ATM: variants seen among roughly 807,000 people sequenced by gnomAD.
ATM encodes the protein ATM serine/threonine kinase.
A neutral mutation model predicts 387.0 loss-of-function variants in ATM; 308 were observed. The observed-to-expected ratio is 0.80, with a 90% CI of 0.73 to 0.87. ATM has a LOEUF of 0.87. Ranked by LOEUF, ATM falls within the 40% of genes least tolerant of loss-of-function variation. The pLI is 0.00. For missense variants in ATM, 3,312 were observed against 3,560.9 expected (o/e 0.93, Z 1.78); for synonymous variants, 1,156 against 1,187.3 (o/e 0.97, Z 0.54).
At chr11:108,343,709 G>A (rs1388104312) in intron 57 of ATM, among the ~76,000 whole-genome samples, 3 of 152,170 alleles carry the variant, frequency 2.0e-5, no homozygotes. Flanking sequence ...CTACTTGAGA[G>A]GCTGAGTCTG....
chr11:108,238,437 C>T (rs1047709358), intron 5 of ATM, among the ~76,000 whole-genome samples: 3 of 152,092 alleles, frequency 2.0e-5, no homozygotes, highest in Non-Finnish European at 4.4e-5. Context: ...TAGGCATGAG[C>T]CAACATGCCC....
intron 33 of ATM, among the ~76,000 whole-genome samples, chr11:108,297,985 C>T (rs2083215555): frequency 6.6e-6 from 1 of 152,130 alleles, no homozygotes; most frequent in African/African-American, 2.4e-5. Context: ...TTTATAAATA[C>T]ATTATAACTG....
intron 42 of ATM, 133 bp from the exon 43 acceptor site, chr11:108,317,240 A>G: frequency 1.1e-6 from 1 of 884,238 alleles, no homozygotes; most frequent in Non-Finnish European, 1.7e-6. Context: ...CACCCAGCTG[A>G]TATTTTGGGA....
Position 108,315,858 on chromosome 11 carries a change from G to A in ATM, c.6042G>A (p.Glu2014=), listed in dbSNP as rs138987778. The change falls in exon 41 of 63, where the codon GAG becomes GAA. Residue 2014 remains glutamate, a synonymous_variant. Coordinates refer to ENST00000675843, the MANE Select transcript of ATM (RefSeq NM_000051.4). ...LLLEIYRSIG[E]PDSLYGCGGG... Reference sequence around the variant, plus strand: ...TAGAAATCTACAGAAGTATAGGGGAGCCAGATAGTTTGTATGGCTGTGGTG... The same window carrying A: ...TAGAAATCTACAGAAGTATAGGGGAACCAGATAGTTTGTATGGCTGTGGTG... 4.3e-6 allele frequency: 7 copies of A among 1,613,338 alleles called. No homozygotes were observed. In the African/African-American group the frequency reaches 9.3e-5, roughly 22 times the overall value.
chr11:108,311,223 C>T (rs2084129644), intron 39 of ATM, among the ~76,000 whole-genome samples: 1 of 152,150 alleles, frequency 6.6e-6, no homozygotes, highest in South Asian at 2.1e-4. Flanking sequence ...AGTCCTCCCA[C>T]CTCAGCCTTT....
At position 108,289,908 on chromosome 11, in the gene ATM, C is replaced by T. The variant is rs536438623; in HGVS notation, c.4436+107C>T. 49 of 1,119,260 alleles carry T rather than the reference C, an allele frequency of 4.4e-5. No individual in the cohort carries two copies. The African/African-American group carries it at 7.2e-4, about 16-fold the overall frequency. The allele number at this position is 1,119,260 out of a possible 1,614,324, so 69.3% of individuals were successfully genotyped here. A position where few individuals can be genotyped will look rare whatever the true frequency, so the allele number is the denominator to read the frequency against. ...TGAGACAAAGACTCACTCTGTCCGCCCAGGCTGGGTGCAGTCACGGCTCAC... is the reference window on the plus strand; with the variant it reads ...TGAGACAAAGACTCACTCTGTCCGCTCAGGCTGGGTGCAGTCACGGCTCAC... On this transcript the variant is annotated intron_variant, in intron 29 of 62. Coordinates refer to ENST00000675843, the MANE Select transcript of ATM (RefSeq NM_000051.4).
At chr11:108,255,626 A>G (rs117813661) in intron 13 of ATM, among the ~76,000 whole-genome samples, 16,155 of 152,016 alleles carry the variant, frequency 0.11, 1,203 homozygotes, top group Non-Finnish European at 0.14. Context: ...AGGTTTCACC[A>G]CGTTAGCCAG....
intron 11 of ATM, 28 bp downstream of exon 11, chr11:108,252,059 G>GTT (rs749339972): frequency 1.3e-6 from 2 of 1,592,646 alleles, no homozygotes; most frequent in Admixed American, 3.3e-5. Flanking sequence ...GCATGCTGCT[G>GTT]TTTTTTTTGT....
chr11:108,276,462 G>C (rs957507559), intron 22 of ATM, among the ~76,000 whole-genome samples: 1 of 152,212 alleles, frequency 6.6e-6, no homozygotes, highest in Admixed American at 6.5e-5. Flanking sequence ...GGAATTTTCA[G>C]CCCTTTTGCG....
rs1060501618 is a variant in ATM, at chr11:108,249,030, A to G, written c.1163A>G (p.Lys388Arg). The change falls in exon 9 of 63, where the codon AAA becomes AGA. Residue 388 changes from lysine to arginine, a missense_variant. Around this residue, in one of 4 missense-constraint regions of ATM, gnomAD observed 1,791 missense variants for 1,804.5 expected, o/e 0.99. Transcript: ENST00000675843. ...SDYSVPCKRK[K>R]IELGWEVIKD... Reference sequence around the variant, plus strand: ...TACAGTGTCCCTTGCAAAAGGAAGAAAATAGAACTAGGCTGGGAAGTAATA... The same window carrying G: ...TACAGTGTCCCTTGCAAAAGGAAGAGAATAGAACTAGGCTGGGAAGTAATA... 1 of 1,614,126 alleles carries G rather than the reference A, an allele frequency of 6.2e-7. No individual in the cohort carries two copies. The highest frequency in any genetic ancestry group is 8.5e-7 in the Non-Finnish European group (1 of 1,179,988).
rs1057521739 is a variant in ATM at position 108,267,360 on chromosome 11, A to G, written c.2638+18A>G. ...TACCATAGGTAAATACATATTTACT[A>G]CTTGGGATTTCTTTTACTTCTTTAT... On this transcript the variant is annotated intron_variant, in intron 17 of 62. Transcript: ENST00000675843. 6.2e-7 allele frequency: 1 copy of G among 1,611,662 alleles called. No individual in the cohort carries two copies. Among genetic ancestry groups the G allele is most frequent in the Non-Finnish European group, 8.5e-7 (1 of 1,177,880 alleles).
chr11:108,273,408 C>T (rs1287082707), intron 22 of ATM, among the ~76,000 whole-genome samples: 1 of 125,094 alleles, frequency 8.0e-6, no homozygotes, highest in Non-Finnish European at 1.6e-5. Context: ...ATGGTGTGAT[C>T]TCGGTTCACT....
chr11:108,344,851 AAGTC>A (rs957798187), intron 57 of ATM, among the ~76,000 whole-genome samples: 32 of 151,928 alleles, frequency 2.1e-4, no homozygotes, highest in African/African-American at 7.5e-4. Flanking sequence ...AAAAAATAAA[AAGTC>A]AGCCAGGTAA....
intron 6 of ATM, among the ~76,000 whole-genome samples, chr11:108,244,501 A>G (rs927714534): frequency 2.0e-5 from 3 of 152,216 alleles, no homozygotes; most frequent in African/African-American, 7.2e-5. Context: ...AATGTGAAAC[A>G]TTTTATAAAT....
Position 108,235,870 on chromosome 11 carries a change from T to C in ATM, c.496+36T>C, listed in dbSNP as rs544839979. On this transcript the variant is annotated intron_variant, in intron 5 of 62. Transcript: ENST00000675843. ...AAGGTTGTTGTTTGTGAATTTTTCCTCATGAAATGAAACTTCACCAAAGAA... is the reference window on the plus strand; with the variant it reads ...AAGGTTGTTGTTTGTGAATTTTTCCCCATGAAATGAAACTTCACCAAAGAA... The C allele has an allele frequency of 6.2e-5, 100 of 1,611,238 alleles. No individual in the cohort carries two copies. Among genetic ancestry groups the C allele is most frequent in the Non-Finnish European group, 5.7e-5 (67 of 1,177,628 alleles).
intron 5 of ATM, among the ~76,000 whole-genome samples, chr11:108,241,784 C>A (rs2135196679): frequency 8.4e-6 from 1 of 118,584 alleles, no homozygotes. Context: ...GGGCCTCACT[C>A]TGTCACCCAG....
chr11:108,325,266 T>TAA, intron 45 of ATM, 44 bp from the exon 46 acceptor site: 4 of 1,105,260 alleles, frequency 3.6e-6, no homozygotes, highest in Non-Finnish European at 3.9e-6. Flanking sequence ...TTTTTTTTTT[T>TAA]TTCATTTCTC....
intron 43 of ATM, among the ~76,000 whole-genome samples, chr11:108,319,586 CTTAT>C (rs1308389753): frequency 6.6e-6 from 1 of 152,184 alleles, no homozygotes; most frequent in Admixed American, 6.5e-5. Context: ...CTTTCCAATA[CTTAT>C]TTATTGTCTG....
chr11:108,311,587 A>G (rs1268006270), intron 39 of ATM, among the ~76,000 whole-genome samples: 1 of 152,114 alleles, frequency 6.6e-6, no homozygotes, highest in African/African-American at 2.4e-5. Context: ...AGTCCCAGCA[A>G]CTCAGGAGGC....
Sources: allele counts gnomAD v4.1 joint callset (sites outside exome capture counted in the v4.1 genomes callset), GRCh38; gene constraint gnomAD v4.1.1; regional missense constraint gnomAD v4.1.1; transcripts MANE v1.5; gene names NCBI Gene and HGNC (gene_info 2026-07-23, HGNC 2026-07-21).